Variants in NME5 observed in about 807,000 individuals in gnomAD.
NME5 encodes NME/NM23 family member 5, also known as nucleoside diphosphate kinase 5.
A neutral mutation model predicts 21.6 loss-of-function variants in NME5; 18 were observed. The observed-to-expected ratio is 0.83, with a 90% CI of 0.58 to 1.24. NME5 has a LOEUF of 1.24. NME5 is among the 50% of genes most tolerant of loss of function. The pLI is 0.00. For missense variants in NME5, 223 were observed against 255.4 expected (o/e 0.87, Z 0.86); for synonymous variants, 70 against 80.6 (o/e 0.87, Z 0.71).
At chr5:138,132,940 GTTT>G (rs566088397) in intron 2 of NME5, among the ~76,000 whole-genome samples, 1 of 145,492 alleles carries the variant, frequency 6.9e-6, no homozygotes, top group South Asian at 2.1e-4. Context: ...GCGTATTAGC[GTTT>G]TTTTTTTTTG....
intron 4 of NME5, among the ~76,000 whole-genome samples, chr5:138,126,887 C>T (rs1357868604): frequency 6.6e-6 from 1 of 151,972 alleles, no homozygotes; most frequent in African/African-American, 2.4e-5. Flanking sequence ...GTCGAGGCTG[C>T]CATGAGTCGT....
At chr5:138,122,467 A>T (rs1220213340) in intron 4 of NME5, among the ~76,000 whole-genome samples, 3 of 149,628 alleles carry the variant, frequency 2.0e-5, no homozygotes, top group African/African-American at 7.4e-5. Flanking sequence ...AAAAAAAAAA[A>T]AATTGTGCCT....
chr5:138,133,098 CT>C (rs534986271), intron 2 of NME5, among the ~76,000 whole-genome samples: 2,948 of 142,744 alleles, frequency 0.021, 49 homozygotes, highest in African/African-American at 0.054. Context: ...AAGGGTTCAT[CT>C]TTTTTTTTTT....
At chr5:138,137,456 T>G (rs1476105160) in intron 2 of NME5, among the ~76,000 whole-genome samples, 1 of 151,956 alleles carries the variant, frequency 6.6e-6, no homozygotes, top group Non-Finnish European at 1.5e-5. Context: ...TAGCTGGGAC[T>G]ACAGGTGCAC....
chr5:138,138,844 T>TC, intron 1 of NME5, 59 bp from the exon 2 acceptor site: 1 of 1,491,698 alleles, frequency 6.7e-7, no homozygotes, highest in Non-Finnish European at 9.1e-7. Flanking sequence ...GACATGCATT[T>TC]CCCCCCACCC....
chr5:138,139,255 G>A (rs1751812764), intron 1 of NME5, 116 bp downstream of exon 1: 3 of 578,794 alleles, frequency 5.2e-6, no homozygotes, highest in Non-Finnish European at 6.6e-6. Flanking sequence ...ACCCTGTCCC[G>A]CAGGGACCTC....
chr5:138,136,384 G>A (rs766248943), intron 2 of NME5, among the ~76,000 whole-genome samples: 8 of 152,106 alleles, frequency 5.3e-5, no homozygotes, highest in Non-Finnish European at 8.8e-5. Flanking sequence ...GTTTTAACTT[G>A]CTTTTTTTCC....
chr5:138,134,964 A>G (rs1470031836), intron 2 of NME5, among the ~76,000 whole-genome samples: 1 of 150,320 alleles, frequency 6.7e-6, no homozygotes, highest in Non-Finnish European at 1.5e-5. Flanking sequence ...CGGCCTCCCA[A>G]AGAGCTGGGA....
Position 138,129,256 on chromosome 5 carries a change from A to C in NME5, c.335+7T>G. On this transcript the variant is annotated splice_region_variant and intron_variant, in intron 3 of 5. Coordinates refer to ENST00000265191, the MANE Select transcript of NME5 (RefSeq NM_003551.3). ...TTCCCTGCCATCCCCCAAACCCTGAAAATTACCTGTCTGGATGTGTCTCCT... is the reference window on the plus strand; with the variant it reads ...TTCCCTGCCATCCCCCAAACCCTGACAATTACCTGTCTGGATGTGTCTCCT... 3 of 1,603,998 alleles carry C rather than the reference A, an allele frequency of 1.9e-6. No individual in the cohort carries two copies. The highest frequency in any genetic ancestry group is 2.6e-6 in the Non-Finnish European group (3 of 1,170,898).
At chr5:138,119,661 ATT>A (rs35881974) in intron 4 of NME5, among the ~76,000 whole-genome samples, 21 of 140,780 alleles carry the variant, frequency 1.5e-4, no homozygotes, top group Admixed American at 2.1e-4. Flanking sequence ...TCTTTTCTTT[ATT>A]TTTTTTTTTT....
At chr5:138,138,572 T>C in intron 2 of NME5, 80 bp downstream of exon 2, 1 of 1,241,312 alleles carries the variant, frequency 8.1e-7, no homozygotes, top group Non-Finnish European at 1.1e-6. Flanking sequence ...AGGGTTTAAA[T>C]GGGTAGGCAC....
chr5:138,132,622 C>T (rs903229474), intron 2 of NME5, among the ~76,000 whole-genome samples: 1 of 152,142 alleles, frequency 6.6e-6, no homozygotes, highest in Admixed American at 6.5e-5. Flanking sequence ...AAAGCCCTTT[C>T]CAAAATTCCG....
intron 2 of NME5, among the ~76,000 whole-genome samples, chr5:138,134,511 T>C (rs1042731950): frequency 1.3e-5 from 2 of 152,126 alleles, no homozygotes; most frequent in Non-Finnish European, 2.9e-5. Context: ...CTGAAAGTGC[T>C]GGGATTACAG....
At chr5:138,133,445 T>A (rs1751620953) in intron 2 of NME5, among the ~76,000 whole-genome samples, 1 of 152,128 alleles carries the variant, frequency 6.6e-6, no homozygotes, top group South Asian at 2.1e-4. Context: ...CTAAATCAAT[T>A]ATTCCATTGG....
At chr5:138,138,901 T>C (rs2151174501) in intron 1 of NME5, 116 bp from the exon 2 acceptor site, 1 of 925,814 alleles carries the variant, frequency 1.1e-6, no homozygotes, top group Non-Finnish European at 1.6e-6. Context: ...CAATAGTAGG[T>C]ACTTGATTTT....
At chr5:138,131,204 T>TAAAAAAAAAA (rs762579967) in intron 2 of NME5, among the ~76,000 whole-genome samples, 22 of 80,878 alleles carry the variant, frequency 2.7e-4, no homozygotes, top group African/African-American at 1.3e-3. Flanking sequence ...CCGTCTCTGC[T>TAAAAAAAAAA]AAAAAAAAAA....
intron 4 of NME5, 92 bp from the exon 5 acceptor site, chr5:138,119,028 A>AT (rs1446165707): frequency 2.8e-6 from 2 of 711,184 alleles, no homozygotes; most frequent in South Asian, 1.9e-5. Context: ...ACTTTTCTCT[A>AT]TTTTTTTATA....
At chr5:138,117,752 G>A (rs1284949345) in intron 5 of NME5, among the ~76,000 whole-genome samples, 1 of 152,130 alleles carries the variant, frequency 6.6e-6, no homozygotes, top group Admixed American at 6.6e-5. Context: ...GGAGGCCAAG[G>A]CAGGTGGATC....
At chr5:138,120,230 C>CTTTTT (rs59354099) in intron 4 of NME5, among the ~76,000 whole-genome samples, 39 of 87,092 alleles carry the variant, frequency 4.5e-4, no homozygotes, top group East Asian at 6.8e-4. Flanking sequence ...GCTCCCAGCT[C>CTTTTT]TTTTTTTTTT....
Sources: gnomAD v4.1 joint callset for allele counts (sites outside exome capture counted in the v4.1 genomes callset) on GRCh38, gnomAD v4.1.1 for gene constraint, MANE v1.5 for transcripts, NCBI Gene and HGNC (gene_info 2026-07-23, HGNC 2026-07-21) for gene names.